Variants in ANO2 observed in about 807,000 individuals in gnomAD.
ANO2 encodes the protein anoctamin-2.
In ANO2, 101 loss-of-function variants were observed where a neutral mutation model predicts 124.2. The observed-to-expected ratio is 0.81, with a 90% CI of 0.69 to 0.96. ANO2 has a LOEUF of 0.96. Among genes scored for constraint, ANO2 ranks in the 40% least tolerant of loss-of-function variants. ANO2 has a pLI of 0.00. For missense variants in ANO2, 1,293 were observed against 1,274.5 expected, an observed-to-expected ratio of 1.01 and a Z score of -0.22; for synonymous variants, 486 against 482.5, an observed-to-expected ratio of 1.01 and a Z score of -0.09.
At chr12:5,933,586 A>G (rs1942524722) in intron 1 of ANO2, among the ~76,000 whole-genome samples, 1 of 152,204 alleles carries the variant, frequency 6.6e-6, no homozygotes. Context: ...TACCCTTTAT[A>G]AAATTCACAA....
chr12:5,690,299 A>G (rs1305483324), intron 14 of ANO2, among the ~76,000 whole-genome samples: 3 of 152,160 alleles, frequency 2.0e-5, no homozygotes, highest in African/African-American at 7.2e-5. Context: ...CTGAGCCTCA[A>G]TATTTTCTCA....
intron 3 of ANO2, chr12:5,856,393 C>G (rs1565726966): frequency 6.6e-6 from 1 of 152,132 alleles, no homozygotes; most frequent in Non-Finnish European, 1.5e-5. Context: ...GGGCAAGGGT[C>G]AAATTCCAAG....
chr12:5,862,197 C>A lies in ANO2; in HGVS notation c.535-8056G>T, dbSNP rs934921627. Among the ~76,000 whole-genome samples, 8 of 152,168 alleles carry A rather than the reference C, an allele frequency of 5.3e-5. No individual in the cohort carries two copies. In the East Asian group the frequency reaches 1.4e-3, roughly 26 times the overall value. ...AGCTCCTGGATGAGAGTACTGGAAT[C>A]TCCTCTCCAACCCTGTCCTGCATAG... is the stretch of plus-strand genomic sequence containing the variant. On this transcript the variant is annotated intron_variant, in intron 3 of 24. Transcript: ENST00000682330. This position sits in a 1 kb window ranked among gnomAD's most constrained non-coding sequence, Gnocchi z 4.0.
At chr12:5,807,713 G>C (rs748993240) in intron 7 of ANO2, among the ~76,000 whole-genome samples, 5 of 152,184 alleles carry the variant, frequency 3.3e-5, no homozygotes, top group Non-Finnish European at 7.3e-5. Flanking sequence ...TGGTTATATG[G>C]ATCATTTTAA....
intron 20 of ANO2, among the ~76,000 whole-genome samples, chr12:5,583,461 G>A (rs1368325660): frequency 2.0e-5 from 3 of 151,752 alleles, no homozygotes; most frequent in Non-Finnish European, 4.4e-5. Flanking sequence ...AGACCATCTT[G>A]GCTAACACGG....
intron 10 of ANO2, among the ~76,000 whole-genome samples, chr12:5,797,268 G>T (rs916578419): frequency 1.3e-5 from 2 of 152,188 alleles, no homozygotes; most frequent in African/African-American, 2.4e-5. Flanking sequence ...ATGATGGAGA[G>T]GAAGTGGCAA....
At chr12:5,869,265 G>A (rs181020104) in intron 3 of ANO2, among the ~76,000 whole-genome samples, 44 of 152,170 alleles carry the variant, frequency 2.9e-4, no homozygotes, top group African/African-American at 9.2e-4. Context: ...CTTCCACAGC[G>A]AGCCCTACCA....
intron 14 of ANO2, among the ~76,000 whole-genome samples, chr12:5,705,272 C>T (rs10732603): frequency 0.88 from 134,003 of 152,062 alleles, 59,149 homozygotes; most frequent in East Asian, 0.95. Context: ...CATCTGCTCA[C>T]GGCAAGAGAG....
chr12:5,823,013 G>T (rs1220151751), intron 7 of ANO2, among the ~76,000 whole-genome samples: 1 of 152,160 alleles, frequency 6.6e-6, no homozygotes, highest in Non-Finnish European at 1.5e-5. Context: ...GGAAAGAACA[G>T]GCCCCATGAT....
intron 10 of ANO2, among the ~76,000 whole-genome samples, chr12:5,792,580 C>G (rs1952729430): frequency 6.6e-6 from 1 of 152,200 alleles, no homozygotes; most frequent in South Asian, 2.1e-4. Flanking sequence ...TGCATCACAT[C>G]ACACTGATGT....
At chr12:5,728,244 A>C (rs1950518093) in intron 14 of ANO2, among the ~76,000 whole-genome samples, 1 of 152,226 alleles carries the variant, frequency 6.6e-6, no homozygotes, top group Non-Finnish European at 1.5e-5. Flanking sequence ...ATGATCTCAC[A>C]AATAGAAAAT....
At chr12:5,840,135 T>C (rs1031840565) in intron 4 of ANO2, among the ~76,000 whole-genome samples, 2 of 152,188 alleles carry the variant, frequency 1.3e-5, no homozygotes, top group African/African-American at 4.8e-5. Context: ...ACCTCAGAAA[T>C]GGCGAGACAC....
intron 14 of ANO2, among the ~76,000 whole-genome samples, chr12:5,687,570 C>T (rs1040740244): frequency 2.0e-5 from 3 of 152,338 alleles, no homozygotes; most frequent in Admixed American, 1.3e-4. Flanking sequence ...CCCTCTTGCA[C>T]GTTATGGATG....
At chr12:5,643,364 T>C (rs1342460972) in intron 15 of ANO2, among the ~76,000 whole-genome samples, 3 of 152,250 alleles carry the variant, frequency 2.0e-5, no homozygotes, top group African/African-American at 7.2e-5. Context: ...ACCCTTGATG[T>C]TATACATAGC....
chr12:5,737,094 T>G (rs1405427236), intron 13 of ANO2, among the ~76,000 whole-genome samples: 3 of 152,262 alleles, frequency 2.0e-5, no homozygotes, highest in African/African-American at 7.2e-5. Context: ...AGATGCTTAA[T>G]GGCCATGTTC....
chr12:5,774,990 T>C (rs954415635), intron 10 of ANO2, among the ~76,000 whole-genome samples: 1 of 152,196 alleles, frequency 6.6e-6, no homozygotes, highest in Non-Finnish European at 1.5e-5. Flanking sequence ...GTTTTTTACA[T>C]ACGTAGATGG....
In ANO2 at chr12:5,850,415, CAA is replaced by C. The variant is rs11307572; in HGVS notation, c.633+3626_633+3627del. ...TGGGTGACAGAGGGACACTCCATCTCAAAAAAAAAAAAAAAAAAGAAAGAAAG... is the reference window on the plus strand; with the variant it reads ...TGGGTGACAGAGGGACACTCCATCTCAAAAAAAAAAAAAAAAGAAAGAAAG... On this transcript the variant is annotated intron_variant, in intron 4 of 24. Coordinates refer to ENST00000682330, the MANE Select transcript of ANO2 (RefSeq NM_001364791.2). Among the ~76,000 whole-genome samples the C allele has an allele frequency of 1.4e-3, 136 of 100,140 alleles. 1 individual carries two copies. The highest frequency in any genetic ancestry group is 6.4e-3 in the East Asian group (22 of 3,436). 65.7% of individuals were successfully genotyped at this position (100,140 alleles called of 152,430 possible).
At chr12:5,708,854 G>T (rs547249765) in intron 14 of ANO2, among the ~76,000 whole-genome samples, 1 of 152,304 alleles carries the variant, frequency 6.6e-6, no homozygotes, top group African/African-American at 2.4e-5. Context: ...CAACCCTTTA[G>T]ACTAGCCTAG....
chr12:5,610,527 T>C (rs998437632), intron 19 of ANO2, among the ~76,000 whole-genome samples: 29 of 140,742 alleles, frequency 2.1e-4, no homozygotes, highest in Admixed American at 7.3e-5. Context: ...AATTTTTATA[T>C]GTATAAAACA....
Sources: allele counts gnomAD v4.1 joint callset (sites outside exome capture counted in the v4.1 genomes callset), GRCh38; gene constraint gnomAD v4.1.1; non-coding constraint Gnocchi (gnomAD v3.1); transcripts MANE v1.5; gene names NCBI Gene and HGNC (gene_info 2026-07-23, HGNC 2026-07-21).